GLDN: variants seen among roughly 807,000 people sequenced by gnomAD.
GLDN encodes collomin.
Under a neutral mutation model 56.5 loss-of-function variants are expected in GLDN, and 47 were observed. The ratio of observed to expected loss-of-function variants is 0.83; its 90% CI spans 0.66 to 1.06. The LOEUF is 1.06. GLDN is among the 50% of genes least tolerant of loss of function. The pLI is 0.00. For synonymous variants in GLDN, 332 were observed against 278.8 expected (o/e 1.19, Z -1.90); for missense variants, 782 against 714.3 (o/e 1.09, Z -1.08).
chr15:51,360,936 A>G (rs2037287671), intron 1 of GLDN, among the ~76,000 whole-genome samples: 1 of 152,236 alleles, frequency 6.6e-6, no homozygotes, highest in African/African-American at 2.4e-5. Flanking sequence ...CAGCATTTGG[A>G]GATAATGGTC....
chr15:51,411,080 G>T (rs992023064), downstream of GLDN, among the ~76,000 whole-genome samples: 1 of 152,228 alleles, frequency 6.6e-6, no homozygotes, highest in East Asian at 1.9e-4. Context: ...AGATTTGGGC[G>T]AAATAGGGAC....
intron 4 of GLDN, among the ~76,000 whole-genome samples, chr15:51,385,964 T>C (rs1039187193): frequency 6.6e-6 from 1 of 151,988 alleles, no homozygotes; most frequent in African/African-American, 2.4e-5. Context: ...ATGCCTGACA[T>C]ATGGATGAGA....
In GLDN at chr15:51,363,480, C is replaced by T. The variant is rs536548508; in HGVS notation, c.364-13969C>T. On this transcript the variant is annotated intron_variant, in intron 1 of 9. Coordinates refer to ENST00000335449, the MANE Select transcript of GLDN (RefSeq NM_181789.4). ...GAAAGAAGCTTAAAAGAAGCCTTTT[C>T]GCAACCAAGTAAAATGTAAATCAAT... is the stretch of plus-strand genomic sequence containing the variant. 5.3e-5 allele frequency among the ~76,000 whole-genome samples: 8 copies of T among 152,278 alleles called. No individual in the cohort carries two copies. The South Asian group carries it at 1.0e-3, about 20-fold the overall frequency.
intron 2 of GLDN, among the ~76,000 whole-genome samples, chr15:51,381,767 G>GT (rs144718027): frequency 4.3e-4 from 65 of 150,906 alleles, no homozygotes; most frequent in African/African-American, 1.5e-3. Context: ...GATCCCCTAG[G>GT]GTTTTTTTTT....
chr15:51,409,074 A>C (rs1188652481), downstream of GLDN, among the ~76,000 whole-genome samples: 6 of 21,780 alleles, frequency 2.8e-4, no homozygotes, highest in East Asian at 0.01. Flanking sequence ...TGCTATAAAG[A>C]CCCTGTTGTT....
At chr15:51,388,853 G>A (rs976969776) in intron 4 of GLDN, among the ~76,000 whole-genome samples, 8 of 152,140 alleles carry the variant, frequency 5.3e-5, no homozygotes, top group South Asian at 2.1e-4. Flanking sequence ...TGCAGTTAAC[G>A]ATTGAGAATA....
chr15:51,378,325 C>A (rs1444585350), intron 2 of GLDN, among the ~76,000 whole-genome samples: 1 of 152,204 alleles, frequency 6.6e-6, no homozygotes, highest in African/African-American at 2.4e-5. Context: ...AAGTCATATT[C>A]CGGCCCTCAC....
intron 9 of GLDN, among the ~76,000 whole-genome samples, chr15:51,402,748 C>T (rs1218235046): frequency 6.6e-6 from 1 of 152,192 alleles, no homozygotes; most frequent in African/African-American, 2.4e-5. Flanking sequence ...GGCGAGTTTC[C>T]TAGTGTAATA....
At chr15:51,365,323 C>G (rs1301960918) in intron 1 of GLDN, among the ~76,000 whole-genome samples, 1 of 151,664 alleles carries the variant, frequency 6.6e-6, no homozygotes, top group Non-Finnish European at 1.5e-5. Context: ...CTTTTCTTTA[C>G]TAATTTGCAA....
intron 1 of GLDN, among the ~76,000 whole-genome samples, chr15:51,358,187 A>G (rs2446411): frequency 0.17 from 25,871 of 152,212 alleles, 2,718 homozygotes; most frequent in East Asian, 0.49. Context: ...GGTCCCCCCA[A>G]TTCAAGTCCA....
downstream of GLDN, among the ~76,000 whole-genome samples, chr15:51,411,038 G>A (rs928678495): frequency 3.9e-5 from 6 of 152,174 alleles, no homozygotes; most frequent in Non-Finnish European, 8.8e-5. Context: ...TAGAAAGGAA[G>A]GCATTAGCTG....
At chr15:51,389,092 C>G (rs890247960) in intron 4 of GLDN, among the ~76,000 whole-genome samples, 2 of 152,352 alleles carry the variant, frequency 1.3e-5, no homozygotes, top group Admixed American at 6.5e-5. Flanking sequence ...TTACCCCTTA[C>G]TGGCCCTGAG....
chr15:51,389,871 G>A (rs1484202017), intron 4 of GLDN, among the ~76,000 whole-genome samples: 1 of 152,164 alleles, frequency 6.6e-6, no homozygotes, highest in African/African-American at 2.4e-5. Context: ...TTCAAAGTAA[G>A]GTCAGGGGGT....
In GLDN at chr15:51,375,336, A is replaced by G. The variant is rs148999900; in HGVS notation, c.364-2113A>G. ...ATTTTCCCCTCACTTGAGGTTTTCT[A>G]AATCTACACAAATATTCTGGAAAGA... On this transcript the variant is annotated intron_variant, in intron 1 of 9. Coordinates refer to ENST00000335449, the MANE Select transcript of GLDN (RefSeq NM_181789.4). Among the ~76,000 whole-genome samples the G allele has an allele frequency of 2.2e-3, 339 of 152,302 alleles. 2 individuals carry two copies. The highest frequency in any genetic ancestry group is 7.3e-3 in the African/African-American group (303 of 41,554).
At chr15:51,365,374 A>G (rs1246383348) in intron 1 of GLDN, among the ~76,000 whole-genome samples, 1 of 152,156 alleles carries the variant, frequency 6.6e-6, no homozygotes, top group Non-Finnish European at 1.5e-5. Flanking sequence ...TTTGTGTATA[A>G]TACACGTTTC....
At chr15:51,393,533 T>A (rs1399557562) in intron 4 of GLDN, among the ~76,000 whole-genome samples, 1 of 152,216 alleles carries the variant, frequency 6.6e-6, no homozygotes, top group African/African-American at 2.4e-5. Context: ...AATTCCCTCA[T>A]GTGTAGAAGT....
rs935801157 is a variant in GLDN, at chr15:51,405,705, G to A, written c.*951G>A. On this transcript the variant is annotated 3_prime_UTR_variant, in exon 10 of 10. Coordinates refer to ENST00000335449, the MANE Select transcript of GLDN (RefSeq NM_181789.4). Reference sequence around the variant, plus strand: ...TATCAAAGTACTAAATGCTGTGTAAGTAGACGTTAATCTGGCTGGAACCAT... The same window carrying A: ...TATCAAAGTACTAAATGCTGTGTAAATAGACGTTAATCTGGCTGGAACCAT... The A allele has an allele frequency of 1.2e-4, 18 of 152,202 alleles. No individual in the cohort carries two copies. Among genetic ancestry groups the A allele is most frequent in the African/African-American group, 4.3e-4 (18 of 41,448 alleles). 9.4% of individuals were successfully genotyped at this position (152,202 alleles called of 1,614,324 possible). A position where few individuals can be genotyped will look rare whatever the true frequency, so the allele number is the denominator to read the frequency against.
chr15:51,360,261 T>C (rs1008431613), intron 1 of GLDN: 3 of 152,200 alleles, frequency 2.0e-5, no homozygotes, highest in African/African-American at 7.2e-5. Context: ...ACTTCAAACT[T>C]CGGTGGTTCT....
chr15:51,401,035 C>T (rs890235430), intron 8 of GLDN, among the ~76,000 whole-genome samples: 8 of 152,164 alleles, frequency 5.3e-5, no homozygotes, highest in Non-Finnish European at 8.8e-5. Context: ...GTAGTAACAG[C>T]GGCCTCATTA....
Sources: allele counts gnomAD v4.1 joint callset (sites outside exome capture counted in the v4.1 genomes callset), GRCh38; gene constraint gnomAD v4.1.1; transcripts MANE v1.5; gene names NCBI Gene and HGNC (gene_info 2026-07-23, HGNC 2026-07-21).